CGNL1: variants seen among roughly 807,000 people sequenced by gnomAD.
CGNL1 encodes cingulin-like protein 1.
Under a neutral mutation model 141.2 loss-of-function variants are expected in CGNL1, and 132 were observed. The ratio of observed to expected loss-of-function variants is 0.93; its 90% CI spans 0.81 to 1.08. The LOEUF (loss-of-function observed/expected upper bound fraction) is 1.08, where lower values mean the gene tolerates loss of function less well. CGNL1 is among the 50% of genes least tolerant of loss of function. The probability of loss-of-function intolerance (pLI) is 0.00; values close to 1 mark genes in which losing one functional copy is unlikely to be tolerated. For missense variants in CGNL1, 1,870 were observed against 1,588.6 expected (o/e 1.18, Z -3.01); for synonymous variants, 690 against 622.1 (o/e 1.11, Z -1.63).
intron 8 of CGNL1, among the ~76,000 whole-genome samples, chr15:57,469,387 G>A (rs992830303): frequency 6.6e-5 from 10 of 150,594 alleles, no homozygotes; most frequent in African/African-American, 2.4e-4. Context: ...GTTGGACGGA[G>A]TGTGAGCGAG....
intron 1 of CGNL1, among the ~76,000 whole-genome samples, chr15:57,426,707 C>A (rs1254188126): frequency 1.3e-5 from 2 of 151,596 alleles, no homozygotes; most frequent in Admixed American, 1.3e-4. Context: ...GATCCGCCTG[C>A]CTCAGCCTCC....
At chr15:57,451,146 A>G (rs1731269065) in intron 4 of CGNL1, among the ~76,000 whole-genome samples, 2 of 152,206 alleles carry the variant, frequency 1.3e-5, no homozygotes, top group Non-Finnish European at 2.9e-5. Flanking sequence ...CCTAAATTTA[A>G]TGCATTGCTA....
intron 8 of CGNL1, among the ~76,000 whole-genome samples, chr15:57,492,706 A>AG (rs11444227): frequency 0.13 from 19,618 of 151,384 alleles, 1,585 homozygotes; most frequent in Admixed American, 0.2. Context: ...AAGGAAAAAA[A>AG]AAACCCAAAA....
At position 57,543,811 on chromosome 15, in the gene CGNL1, C is replaced by T. The variant is rs145550987; in HGVS notation, c.3375+32C>T. 105 of 1,526,456 alleles carry T rather than the reference C, an allele frequency of 6.9e-5. 1 individual carries two copies. The South Asian group carries it at 9.2e-4, about 13-fold the overall frequency. 94.6% of individuals were successfully genotyped at this position (1,526,456 alleles called of 1,614,324 possible). On this transcript the variant is annotated intron_variant, in intron 15 of 18. Transcript: ENST00000281282. Reference sequence around the variant, plus strand: ...GCAGCCAGCCTGTGAGCTGCCCCCCCGTCCATCCGCTAACCCTCCCCCACT... The same window carrying T: ...GCAGCCAGCCTGTGAGCTGCCCCCCTGTCCATCCGCTAACCCTCCCCCACT...
chr15:57,496,571 A>C (rs1017045307), intron 8 of CGNL1, among the ~76,000 whole-genome samples: 1 of 152,160 alleles, frequency 6.6e-6, no homozygotes, highest in African/African-American at 2.4e-5. Flanking sequence ...CCTGGTGCCA[A>C]AAAGGTTGGG....
intron 16 of CGNL1, among the ~76,000 whole-genome samples, chr15:57,545,096 A>G (rs754850966): frequency 9.2e-5 from 14 of 152,204 alleles, no homozygotes; most frequent in African/African-American, 3.1e-4. Flanking sequence ...AGTTCTCTGC[A>G]GCTAACTCTC....
intron 1 of CGNL1, among the ~76,000 whole-genome samples, chr15:57,388,302 C>T (rs755072842): frequency 1.3e-5 from 2 of 151,962 alleles, no homozygotes; most frequent in South Asian, 2.1e-4. Context: ...TTAGAGGAGT[C>T]CTGGGAAAAG....
At chr15:57,409,060 C>CACACACAT (rs1354578310) in intron 1 of CGNL1, among the ~76,000 whole-genome samples, 2 of 151,840 alleles carry the variant, frequency 1.3e-5, no homozygotes, top group Non-Finnish European at 2.9e-5. Flanking sequence ...CACACACACA[C>CACACACAT]ACACACACAC....
chr15:57,467,659 A>T (rs1206972886), intron 8 of CGNL1, among the ~76,000 whole-genome samples: 1 of 150,302 alleles, frequency 6.7e-6, no homozygotes, highest in African/African-American at 2.4e-5. Context: ...GGGTGATAAT[A>T]GTGCTATTGT....
intron 1 of CGNL1, among the ~76,000 whole-genome samples, chr15:57,432,532 T>C (rs1282315969): frequency 1.3e-5 from 2 of 152,246 alleles, no homozygotes; most frequent in East Asian, 3.8e-4. Context: ...ACCACTTTTA[T>C]TTGCCAAGTG....
At chr15:57,516,573 G>A (rs1230001812) in intron 8 of CGNL1, among the ~76,000 whole-genome samples, 4 of 152,216 alleles carry the variant, frequency 2.6e-5, no homozygotes, top group South Asian at 2.1e-4. Context: ...ATGGAAGGGC[G>A]TGGCTATGTT....
intron 8 of CGNL1, among the ~76,000 whole-genome samples, chr15:57,464,737 C>G (rs1473688060): frequency 1.1e-5 from 1 of 94,430 alleles, no homozygotes; most frequent in Non-Finnish European, 2.2e-5. Flanking sequence ...TTCCTTCTTT[C>G]TTTCTTTCTC....
At chr15:57,471,165 A>C (rs2063576950) in intron 8 of CGNL1, among the ~76,000 whole-genome samples, 1 of 152,214 alleles carries the variant, frequency 6.6e-6, no homozygotes, top group Non-Finnish European at 1.5e-5. Context: ...AGAGCGTAGG[A>C]GCTCATAAAC....
rs1595703277 is a variant in CGNL1, at chr15:57,438,108, G to A, written c.109G>A (p.Ala37Thr). Reference protein sequence around the residue: ...QKSRSSQNSKAGSYGVSIRVQ... With the variant: ...QKSRSSQNSKTGSYGVSIRVQ... ...ATCAAGGAGTTCCCAGAACTCCAAGGCAGGCTCCTACGGTGTCAGTATTCG... is the reference window on the plus strand; with the variant it reads ...ATCAAGGAGTTCCCAGAACTCCAAGACAGGCTCCTACGGTGTCAGTATTCG... The change falls in exon 2 of 19, where the codon GCA becomes ACA. Residue 37 changes from alanine to threonine, a missense_variant. Ala to Thr is a moderately conservative substitution (Grantham distance 58). Transcript: ENST00000281282. 1 of 1,614,136 alleles carries A rather than the reference G, an allele frequency of 6.2e-7. No individual in the cohort carries two copies. The highest frequency in any genetic ancestry group is 2.2e-5 in the East Asian group (1 of 44,882).
chr15:57,524,440 C>A, intron 11 of CGNL1, 141 bp from the exon 12 acceptor site: 1 of 780,444 alleles, frequency 1.3e-6, no homozygotes. Context: ...ACCTGGCTGA[C>A]TCAGGATCAG....
intron 14 of CGNL1, among the ~76,000 whole-genome samples, chr15:57,543,021 C>A (rs2032648643): frequency 2.0e-5 from 3 of 152,198 alleles, no homozygotes; most frequent in African/African-American, 4.8e-5. Flanking sequence ...CAAAGTAACA[C>A]AACCTGGGTG....
At chr15:57,491,119 T>G (rs767315157) in intron 8 of CGNL1, among the ~76,000 whole-genome samples, 2 of 152,124 alleles carry the variant, frequency 1.3e-5, no homozygotes, top group Non-Finnish European at 2.9e-5. Context: ...CTGAATAAAG[T>G]ATGGACTTTG....
At position 57,435,883 on chromosome 15, in the gene CGNL1, T is replaced by C. The variant is rs558605227; in HGVS notation, c.-15-2102T>C. Among the ~76,000 whole-genome samples the C allele has an allele frequency of 1.1e-3, 170 of 152,272 alleles. 1 individual carries two copies. The highest frequency in any genetic ancestry group is 4.0e-3 in the African/African-American group (166 of 41,570). Reference sequence around the variant, plus strand: ...GTACCTGTGAAGCATTGACAAACATTATCCGTATATTTGCTCACAGAGGGA... The same window carrying C: ...GTACCTGTGAAGCATTGACAAACATCATCCGTATATTTGCTCACAGAGGGA... On this transcript the variant is annotated intron_variant, in intron 1 of 18. Transcript: ENST00000281282.
At chr15:57,530,045 G>C (rs936945508) in intron 13 of CGNL1, among the ~76,000 whole-genome samples, 4 of 152,220 alleles carry the variant, frequency 2.6e-5, no homozygotes, top group African/African-American at 7.2e-5. Context: ...GATTATTCTA[G>C]GGCCTTAAAC....
Sources: gnomAD v4.1 joint callset for allele counts (sites outside exome capture counted in the v4.1 genomes callset) on GRCh38, gnomAD v4.1.1 for gene constraint, MANE v1.5 for transcripts, NCBI Gene and HGNC (gene_info 2026-07-23, HGNC 2026-07-21) for gene names.